AGBL1: variants seen among roughly 807,000 people sequenced by gnomAD.
AGBL1 encodes the protein cytosolic carboxypeptidase 4.
A neutral mutation model predicts 118.9 loss-of-function variants in AGBL1; 130 were observed. The ratio of observed to expected loss-of-function variants is 1.09; its 90% CI spans 0.95 to 1.26. The LOEUF is 1.26. Ranked by LOEUF, AGBL1 falls within the 50% of genes most tolerant of loss-of-function variation. The pLI, the probability that AGBL1 is intolerant of heterozygous loss-of-function variation, is 0.00. For missense variants in AGBL1, 1,584 were observed against 1,298.1 expected (o/e 1.22, Z -3.38); for synonymous variants, 555 against 478.9 (o/e 1.16, Z -2.08).
intron 1 of AGBL1, among the ~76,000 whole-genome samples, chr15:86,135,750 C>A (rs2076880711): frequency 6.6e-6 from 1 of 152,148 alleles, no homozygotes. Flanking sequence ...GCTGAAAATT[C>A]TTTTCTACTC....
At chr15:86,463,433 C>G (rs528146259) in intron 18 of AGBL1, among the ~76,000 whole-genome samples, 40 of 152,144 alleles carry the variant, frequency 2.6e-4, no homozygotes, top group African/African-American at 9.2e-4. Context: ...TGCAGAAGCT[C>G]TTTAGTTTAA....
At chr15:86,786,880 T>A (rs1275193071) in intron 22 of AGBL1, among the ~76,000 whole-genome samples, 1 of 152,220 alleles carries the variant, frequency 6.6e-6, no homozygotes, top group Non-Finnish European at 1.5e-5. Context: ...CTTGTACTAC[T>A]GTTTTGCCAG....
At chr15:86,545,900 A>G (rs531224403) in intron 19 of AGBL1, 102 bp from the exon 20 acceptor site, 2 of 1,394,240 alleles carry the variant, frequency 1.4e-6, no homozygotes, top group Admixed American at 4.6e-5. Context: ...GACATTGTAA[A>G]CTTTCTTTGA....
chr15:86,906,156 T>C (rs773602640), intron 22 of AGBL1, among the ~76,000 whole-genome samples: 4 of 152,224 alleles, frequency 2.6e-5, no homozygotes, highest in African/African-American at 4.8e-5. Context: ...TTGCCTTCTA[T>C]AAATCACAGA....
At chr15:86,596,691 G>T (rs993876527) in intron 21 of AGBL1, among the ~76,000 whole-genome samples, 2 of 151,940 alleles carry the variant, frequency 1.3e-5, no homozygotes, top group African/African-American at 2.4e-5. Flanking sequence ...TGACTGTCTT[G>T]TCAAAAACCA....
intron 19 of AGBL1, among the ~76,000 whole-genome samples, chr15:86,525,695 C>T (rs936740274): frequency 3.3e-5 from 5 of 152,068 alleles, no homozygotes; most frequent in Non-Finnish European, 7.4e-5. Context: ...CTGTCTCTCA[C>T]CAAATACAAA....
chr15:86,376,473 T>C (rs181947385), intron 17 of AGBL1, among the ~76,000 whole-genome samples: 1 of 152,106 alleles, frequency 6.6e-6, no homozygotes, highest in Non-Finnish European at 1.5e-5. Flanking sequence ...CCAGGAGGAA[T>C]TGAAATGCAG....
At chr15:86,450,646 G>C (rs566104965) in intron 18 of AGBL1, among the ~76,000 whole-genome samples, 15 of 152,264 alleles carry the variant, frequency 9.9e-5, no homozygotes, top group Non-Finnish European at 1.8e-4. Context: ...ATTAGAATTG[G>C]GGTTAGAGAT....
intron 21 of AGBL1, among the ~76,000 whole-genome samples, chr15:86,609,155 A>G (rs2084624362): frequency 6.6e-6 from 1 of 152,178 alleles, no homozygotes; most frequent in Admixed American, 6.6e-5. Context: ...ACAGAGAGAT[A>G]CATCCTTGAA....
At position 86,214,305 on chromosome 15, in the gene AGBL1, C is replaced by T. The variant is rs141521457; in HGVS notation, c.489-10609C>T. On this transcript the variant is annotated intron_variant, in intron 5 of 22. Transcript: ENST00000614907. ...CAGATATTTCAAGAGTGGATTATAT[C>T]ATAGGTACATTTGACTTATAAGAGT... 5.2e-3 allele frequency among the ~76,000 whole-genome samples: 787 copies of T among 152,270 alleles called. 4 individuals carry two copies. The highest frequency in any genetic ancestry group is 0.012 in the African/African-American group (489 of 41,554).
chr15:86,146,927 G>A (rs1054780745), intron 3 of AGBL1, among the ~76,000 whole-genome samples: 13 of 152,094 alleles, frequency 8.5e-5, no homozygotes, highest in Admixed American at 2.0e-4. Context: ...TTCTACCTCC[G>A]ATAAATCTGA....
intron 22 of AGBL1, among the ~76,000 whole-genome samples, chr15:86,875,701 G>A (rs1201038156): frequency 1.3e-5 from 2 of 152,160 alleles, no homozygotes; most frequent in African/African-American, 4.8e-5. Flanking sequence ...TTCAAAGGCT[G>A]GATTAAAGAT....
At chr15:86,396,099 G>T (rs2081356438) in intron 17 of AGBL1, among the ~76,000 whole-genome samples, 1 of 148,750 alleles carries the variant, frequency 6.7e-6, no homozygotes, top group Admixed American at 6.7e-5. Flanking sequence ...GTATTCTATT[G>T]TATCTATGTG....
intron 18 of AGBL1, among the ~76,000 whole-genome samples, chr15:86,422,854 A>T (rs184599032): frequency 6.6e-6 from 1 of 152,214 alleles, no homozygotes; most frequent in African/African-American, 2.4e-5. Flanking sequence ...GAAGAAATGG[A>T]TACATTCCTG....
intron 15 of AGBL1, 52 bp from the exon 16 acceptor site, chr15:86,279,587 C>G: frequency 6.4e-7 from 1 of 1,566,014 alleles, no homozygotes. Flanking sequence ...TGACCCTGCA[C>G]CCCCCTCCCA....
intron 21 of AGBL1, among the ~76,000 whole-genome samples, chr15:86,582,931 C>T (rs941675547): frequency 2.0e-5 from 3 of 151,750 alleles, no homozygotes; most frequent in African/African-American, 4.8e-5. Flanking sequence ...TTAATGGGTG[C>T]AGCACACCAA....
intron 19 of AGBL1, among the ~76,000 whole-genome samples, chr15:86,525,573 A>C (rs1256109688): frequency 6.6e-6 from 1 of 152,190 alleles, no homozygotes; most frequent in Non-Finnish European, 1.5e-5. Context: ...ACCCAGAGAT[A>C]AAGCCAGCCA....
chr15:86,451,347 G>C (rs1172872449), intron 18 of AGBL1, among the ~76,000 whole-genome samples: 1 of 152,294 alleles, frequency 6.6e-6, no homozygotes, highest in East Asian at 1.9e-4. Flanking sequence ...GGAAGTTTGA[G>C]GATAGAGACC....
At chr15:86,876,094 C>G (rs544162218) in intron 22 of AGBL1, among the ~76,000 whole-genome samples, 1 of 152,132 alleles carries the variant, frequency 6.6e-6, no homozygotes, top group Non-Finnish European at 1.5e-5. Context: ...CAAGTTTGAT[C>G]GAGGCCAACA....
Sources: gnomAD v4.1 joint callset for allele counts (sites outside exome capture counted in the v4.1 genomes callset) on GRCh38, gnomAD v4.1.1 for gene constraint, MANE v1.5 for transcripts, NCBI Gene and HGNC (gene_info 2026-07-23, HGNC 2026-07-21) for gene names.